Variants in GABRA3 observed in about 807,000 individuals in gnomAD.
GABRA3 encodes gamma-aminobutyric acid type A receptor subunit alpha3.
GABRA3 carries 10 observed loss-of-function variants against 30.1 expected under a neutral mutation model. That is an observed-to-expected ratio of 0.33 (90% CI 0.20 to 0.56). The LOEUF (loss-of-function observed/expected upper bound fraction) is 0.56, where lower values mean the gene tolerates loss of function less well. Among genes scored for constraint, GABRA3 ranks in the 20% least tolerant of loss-of-function variants. GABRA3 has a pLI of 0.89. For synonymous variants in GABRA3, 151 were observed against 146.8 expected (o/e 1.03, Z -0.21); for missense variants, 233 against 392.0 (o/e 0.59, Z 3.42).
chrX:152,291,570 G>C (rs1939418170), intron 3 of GABRA3, among the ~76,000 whole-genome samples: 1 of 111,552 alleles, frequency 9.0e-6, no homozygotes, highest in Admixed American at 9.5e-5. Context: ...TGGTGGGAGA[G>C]GGCATCACTG....
chrX:152,326,397 A>G (rs1940058908), intron 3 of GABRA3, among the ~76,000 whole-genome samples: 1 of 111,247 alleles, frequency 9.0e-6, no homozygotes, highest in Non-Finnish European at 1.9e-5. Context: ...CAAGACACAT[A>G]ATTGACAGAT....
At chrX:152,390,215 A>G (rs1007442129) in intron 1 of GABRA3, among the ~76,000 whole-genome samples, 1 of 112,137 alleles carries the variant, frequency 8.9e-6, no homozygotes, top group African/African-American at 3.2e-5. Context: ...TCAGCTCGTC[A>G]AAGTCATCAA....
intron 1 of GABRA3, among the ~76,000 whole-genome samples, chrX:152,437,797 A>T (rs1352730724): frequency 1.8e-5 from 2 of 112,206 alleles, no homozygotes; most frequent in African/African-American, 6.5e-5. Flanking sequence ...TGCTGGAATA[A>T]CTGGTCATCC....
At chrX:152,249,132 ACTC>A (rs1337547840) in intron 5 of GABRA3, among the ~76,000 whole-genome samples, 3 of 110,024 alleles carry the variant, frequency 2.7e-5, no homozygotes, top group Non-Finnish European at 5.7e-5. Flanking sequence ...AAATCTTATT[ACTC>A]CTCTTTGTTC....
chrX:152,339,949 A>T (rs1445647564), intron 3 of GABRA3, among the ~76,000 whole-genome samples: 4 of 111,441 alleles, frequency 3.6e-5, no homozygotes, highest in South Asian at 3.8e-4. Context: ...TCAGGGAGAA[A>T]TTTGCTCTTT....
At chrX:152,376,959 T>C (rs1929014843) in intron 1 of GABRA3, among the ~76,000 whole-genome samples, 1 of 111,775 alleles carries the variant, frequency 8.9e-6, no homozygotes, top group Middle Eastern at 4.6e-3. Context: ...GGAAGTTTGA[T>C]TGTCAAGAAT....
intron 4 of GABRA3, among the ~76,000 whole-genome samples, chrX:152,278,545 T>A (rs1312521258): frequency 2.7e-5 from 3 of 111,794 alleles, no homozygotes; most frequent in African/African-American, 9.8e-5. Context: ...GTCTTCGCTA[T>A]TGTGAATAGT....
chrX:152,239,980 T>C (rs1403739084), intron 5 of GABRA3, among the ~76,000 whole-genome samples: 1 of 97,951 alleles, frequency 1.0e-5, no homozygotes, highest in Non-Finnish European at 2.0e-5. Flanking sequence ...AATTGGAGAA[T>C]TTAGTCCATT....
intron 1 of GABRA3, among the ~76,000 whole-genome samples, chrX:152,399,580 A>C (rs1434818133): frequency 1.8e-5 from 2 of 112,009 alleles, no homozygotes; most frequent in African/African-American, 6.5e-5. Flanking sequence ...GGTAAGCAGA[A>C]ACAGTTCATG....
intron 9 of GABRA3, among the ~76,000 whole-genome samples, chrX:152,186,551 C>T (rs1348827743): frequency 1.8e-5 from 2 of 110,388 alleles, no homozygotes; most frequent in Non-Finnish European, 3.8e-5. Context: ...CTACATCAGC[C>T]TAATTGTACT....
At chrX:152,301,164 G>A (rs1250779871) in intron 3 of GABRA3, among the ~76,000 whole-genome samples, 1 of 111,957 alleles carries the variant, frequency 8.9e-6, no homozygotes, top group Non-Finnish European at 1.9e-5. Context: ...GCAATAATTG[G>A]AGACTGAAGA....
chrX:152,365,599 T>C (rs187169178), intron 1 of GABRA3, among the ~76,000 whole-genome samples: 1 of 111,721 alleles, frequency 9.0e-6, no homozygotes, highest in African/African-American at 3.2e-5. Context: ...CCCAACAACA[T>C]ACCCTTTTTC....
intron 1 of GABRA3, among the ~76,000 whole-genome samples, chrX:152,415,735 T>A (rs1192139064): frequency 2.7e-5 from 3 of 111,516 alleles, no homozygotes; most frequent in Non-Finnish European, 5.7e-5. Flanking sequence ...AAAAAGTTTA[T>A]AGGTCTCTAT....
intron 3 of GABRA3, among the ~76,000 whole-genome samples, chrX:152,315,083 C>T: frequency 9.0e-6 from 1 of 111,454 alleles, no homozygotes; most frequent in East Asian, 2.8e-4. Context: ...AGAACTACTG[C>T]AGGAATATAC....
intron 3 of GABRA3, among the ~76,000 whole-genome samples, chrX:152,326,154 A>C (rs1384953147): frequency 9.0e-6 from 1 of 111,210 alleles, no homozygotes; most frequent in African/African-American, 3.3e-5. Context: ...AGTTTAGAGA[A>C]AAAAGAGTAA....
chrX:152,251,561 C>T (rs1938555511), intron 5 of GABRA3, among the ~76,000 whole-genome samples: 1 of 109,786 alleles, frequency 9.1e-6, no homozygotes, highest in South Asian at 3.9e-4. Flanking sequence ...GCCCATTACT[C>T]TCTCCTTCCT....
chrX:152,408,578 T>C (rs185980164), intron 1 of GABRA3, among the ~76,000 whole-genome samples: 45 of 110,169 alleles, frequency 4.1e-4, no homozygotes, highest in African/African-American at 1.3e-3. Context: ...GACAAGAAAA[T>C]GGAAAGATAG....
intron 3 of GABRA3, among the ~76,000 whole-genome samples, chrX:152,305,933 A>G (rs2055518452): frequency 8.9e-6 from 1 of 111,733 alleles, no homozygotes; most frequent in Non-Finnish European, 1.9e-5. Flanking sequence ...GAATGATTTT[A>G]AAATGCACTG....
intron 3 of GABRA3, among the ~76,000 whole-genome samples, chrX:152,341,958 C>T (rs1253654017): frequency 1.1e-4 from 12 of 107,741 alleles, no homozygotes; most frequent in East Asian, 5.9e-4. Context: ...CTGCAACCTC[C>T]GTCTCCCGGA....
Sources: allele counts gnomAD v4.1 joint callset (sites outside exome capture counted in the v4.1 genomes callset), GRCh38; gene constraint gnomAD v4.1.1; transcripts MANE v1.5; gene names NCBI Gene and HGNC (gene_info 2026-07-23, HGNC 2026-07-21).